The following ANKS1B variants were observed in gnomAD, a reference collection of about 807,000 sequenced individuals.
ANKS1B encodes ankyrin repeat and sterile alpha motif domain-containing protein 1B.
In ANKS1B, 36 loss-of-function variants were observed where a neutral mutation model predicts 148.3. The ratio of observed to expected loss-of-function variants is 0.24; its 90% CI spans 0.19 to 0.32. The LOEUF is 0.32. Among genes scored for constraint, ANKS1B ranks in the 10% least tolerant of loss-of-function variants. The probability of loss-of-function intolerance (pLI) is 1.00; values close to 1 mark genes in which losing one functional copy is unlikely to be tolerated. For synonymous variants in ANKS1B, 542 were observed against 560.8 expected (o/e 0.97, Z 0.47); for missense variants, 1,157 against 1,542.6 (o/e 0.75, Z 4.19).
intron 12 of ANKS1B, among the ~76,000 whole-genome samples, chr12:99,317,099 C>T (rs573492394): frequency 8.5e-5 from 13 of 152,202 alleles, no homozygotes; most frequent in Middle Eastern, 6.8e-3. Context: ...AGTCAGGTAG[C>T]GTGATGCCTC....
intron 11 of ANKS1B, among the ~76,000 whole-genome samples, chr12:99,431,531 G>C (rs1045787689): frequency 6.6e-6 from 1 of 152,138 alleles, no homozygotes; most frequent in African/African-American, 2.4e-5. Flanking sequence ...GGTTTACATG[G>C]GTGGTAGCGA....
chr12:99,823,794 T>A (rs1004742971), intron 2 of ANKS1B, among the ~76,000 whole-genome samples: 2 of 152,222 alleles, frequency 1.3e-5, no homozygotes, highest in Admixed American at 1.3e-4. Context: ...CCAGTTCCAG[T>A]CTTCTGCATA....
intron 14 of ANKS1B, among the ~76,000 whole-genome samples, chr12:99,201,450 C>G (rs2082058446): frequency 6.6e-6 from 1 of 152,082 alleles, no homozygotes; most frequent in African/African-American, 2.4e-5. Context: ...TGTTATTATT[C>G]AAGCTATCAT....
chr12:99,830,547 T>A (rs555784536), intron 1 of ANKS1B, among the ~76,000 whole-genome samples: 1 of 149,782 alleles, frequency 6.7e-6, no homozygotes, highest in South Asian at 2.1e-4. Context: ...AATGTTAGTC[T>A]AGCACCAGAA....
intron 9 of ANKS1B, among the ~76,000 whole-genome samples, chr12:99,565,735 G>T (rs572677537): frequency 1.1e-4 from 16 of 152,190 alleles, no homozygotes; most frequent in African/African-American, 2.9e-4. Context: ...CTTTCCTTTT[G>T]TAGTATTGTC....
intron 8 of ANKS1B, among the ~76,000 whole-genome samples, chr12:99,683,847 A>G (rs1446221587): frequency 6.6e-6 from 1 of 152,156 alleles, no homozygotes; most frequent in Non-Finnish European, 1.5e-5. Flanking sequence ...GATACATCAT[A>G]TAAACAGAAT....
In ANKS1B at chr12:99,648,262, C is replaced by A. The variant is rs11109968; in HGVS notation, c.1272+6805G>T. The A allele has an allele frequency of 7.6e-5, 123 of 1,614,038 alleles. No individual in the cohort carries two copies. In the African/African-American group the frequency reaches 1.5e-3, roughly 20 times the overall value. On this transcript the variant is annotated intron_variant, in intron 9 of 26. Transcript: ENST00000683438. Reference sequence around the variant, plus strand: ...TAACACCTCCATGGGGAAGCTGCAGCGGCAACTGTACAAAGGCGAGTATAC... The same window carrying A: ...TAACACCTCCATGGGGAAGCTGCAGAGGCAACTGTACAAAGGCGAGTATAC...
intron 16 of ANKS1B, among the ~76,000 whole-genome samples, chr12:99,076,884 A>G (rs2048034370): frequency 6.6e-6 from 1 of 152,118 alleles, no homozygotes; most frequent in Admixed American, 6.6e-5. Flanking sequence ...TTTCTGAATC[A>G]TCTATGGCTA....
chr12:99,807,834 T>C (rs918899414), intron 3 of ANKS1B, among the ~76,000 whole-genome samples: 9 of 152,126 alleles, frequency 5.9e-5, no homozygotes, highest in Non-Finnish European at 1.0e-4. Context: ...CCATCACACA[T>C]ACCACCTTCC....
chr12:99,422,694 G>A (rs747821649), intron 11 of ANKS1B, among the ~76,000 whole-genome samples: 5 of 152,010 alleles, frequency 3.3e-5, no homozygotes, highest in Non-Finnish European at 5.9e-5. Flanking sequence ...GAGAGAGAAT[G>A]GGCACATCTT....
intron 10 of ANKS1B, among the ~76,000 whole-genome samples, chr12:99,472,119 A>G (rs1266703687): frequency 1.3e-5 from 2 of 152,162 alleles, no homozygotes; most frequent in East Asian, 3.8e-4. Context: ...AGTCTGACCT[A>G]AAAGAAAATA....
At chr12:99,076,490 A>G (rs2047915070) in intron 16 of ANKS1B, among the ~76,000 whole-genome samples, 1 of 152,210 alleles carries the variant, frequency 6.6e-6, no homozygotes, top group Admixed American at 6.5e-5. Flanking sequence ...TGAGTACAGC[A>G]TATTCAATAA....
At chr12:98,972,360 A>G (rs1034115763) in intron 17 of ANKS1B, among the ~76,000 whole-genome samples, 4 of 152,328 alleles carry the variant, frequency 2.6e-5, no homozygotes, top group Middle Eastern at 3.4e-3. Flanking sequence ...TGGAGAATGA[A>G]GGATTTATCT....
In ANKS1B at chr12:99,251,505, T is replaced by A. The variant is rs1203672149; in HGVS notation, c.1757-4641A>T. ...TAACTTGTCTCATTTAATTTTACAC[T>A]TCTCTTTTGATAAGTGGATATTTCA... On this transcript the variant is annotated intron_variant, in intron 12 of 26. Transcript: ENST00000683438. 3.3e-5 allele frequency among the ~76,000 whole-genome samples: 5 copies of A among 152,198 alleles called. No individual in the cohort carries two copies. The East Asian group carries it at 7.7e-4, about 23-fold the overall frequency.
rs576149925 is a variant in ANKS1B at position 99,623,751 on chromosome 12, T to C, written c.1272+31316A>G. Among the ~76,000 whole-genome samples the C allele has an allele frequency of 3.3e-5, 5 of 152,002 alleles. No individual in the cohort carries two copies. In the South Asian group the frequency reaches 6.2e-4, roughly 19 times the overall value. On this transcript the variant is annotated intron_variant, in intron 9 of 26. Coordinates refer to ENST00000683438, the MANE Select transcript of ANKS1B (RefSeq NM_001352186.2). ...TATAAAACACTGCCTAAAGAAATCA[T>C]AGATGACACAAACAAATGGAAAAAC...
chr12:99,749,916 TG>T, intron 8 of ANKS1B, among the ~76,000 whole-genome samples: 1 of 152,194 alleles, frequency 6.6e-6, no homozygotes, highest in East Asian at 1.9e-4. Context: ...TATAGTTCAC[TG>T]TCAGAAAAGA....
intron 1 of ANKS1B, among the ~76,000 whole-genome samples, chr12:99,830,476 A>G (rs1485311899): frequency 6.6e-6 from 1 of 152,126 alleles, no homozygotes; most frequent in African/African-American, 2.4e-5. Context: ...GTGAAACAAG[A>G]AGTAATAATG....
At chr12:98,736,977 G>T (rs1236320523) in intron 9 of ANKS1B, among the ~76,000 whole-genome samples, 4 of 152,160 alleles carry the variant, frequency 2.6e-5, no homozygotes, top group Non-Finnish European at 5.9e-5. Flanking sequence ...TAAGAAAACA[G>T]GACAGTATCA....
Position 98,800,690 on chromosome 12 carries a change from A to ATATATATATATATATATG in ANKS1B, c.3270+306_3270+307insCATATATATATATATATA. Among the ~76,000 whole-genome samples, 64 of 138,002 alleles carry ATATATATATATATATATG rather than the reference A, an allele frequency of 4.6e-4. 3 individuals carry two copies. Among genetic ancestry groups the ATATATATATATATATATG allele is most frequent in the African/African-American group, 1.6e-3 (62 of 38,338 alleles). 90.5% of individuals were successfully genotyped at this position (138,002 alleles called of 152,430 possible). A position where few individuals can be genotyped will look rare whatever the true frequency, so the allele number is the denominator to read the frequency against. On this transcript the variant is annotated intron_variant, in intron 21 of 26. Coordinates refer to ENST00000683438, the MANE Select transcript of ANKS1B (RefSeq NM_001352186.2). ...AGTGAGCAGAGATATATATATATAT[A>ATATATATATATATATATG]TGCCATATTTACACTCATTTCCATT...
Sources: gnomAD v4.1 joint callset for allele counts (sites outside exome capture counted in the v4.1 genomes callset) on GRCh38, gnomAD v4.1.1 for gene constraint, MANE v1.5 for transcripts, NCBI Gene and HGNC (gene_info 2026-07-23, HGNC 2026-07-21) for gene names.